The following USH2A variants were observed in gnomAD, a reference collection of about 807,000 sequenced individuals.
USH2A encodes the protein Usher syndrome 2A (autosomal recessive, mild).
USH2A carries 443 observed loss-of-function variants against 538.9 expected under a neutral mutation model. The observed-to-expected ratio is 0.82, with a 90% CI of 0.76 to 0.89. The LOEUF (loss-of-function observed/expected upper bound fraction) is 0.89. Among genes scored for constraint, USH2A ranks in the 40% least tolerant of loss-of-function variants. The pLI is 0.00. For synonymous variants in USH2A, 2,413 were observed against 2,273.5 expected, an observed-to-expected ratio of 1.06 and a Z score of -1.75; for missense variants, 6,633 against 6,324.8, an observed-to-expected ratio of 1.05 and a Z score of -1.65.
chr1:215,759,616 T>A, intron 57 of USH2A, 44 bp downstream of exon 57: 2 of 1,610,954 alleles, frequency 1.2e-6, no homozygotes, highest in Non-Finnish European at 1.7e-6. Context: ...CAGAGAAATG[T>A]ACAAATCCTG....
chr1:216,084,048 T>G (rs184607919), intron 25 of USH2A, among the ~76,000 whole-genome samples: 91 of 152,260 alleles, frequency 6.0e-4, no homozygotes, highest in South Asian at 1.7e-3. Context: ...AGTGATGGGC[T>G]TTTATTTGAT....
intron 21 of USH2A, among the ~76,000 whole-genome samples, chr1:216,113,521 T>A (rs2032925148): frequency 6.6e-6 from 1 of 152,162 alleles, no homozygotes; most frequent in Non-Finnish European, 1.5e-5. Context: ...GAAATCTTAT[T>A]CTAGTTTTAA....
chr1:215,658,181 C>T (rs1022178754), intron 64 of USH2A, among the ~76,000 whole-genome samples: 1 of 151,826 alleles, frequency 6.6e-6, no homozygotes, highest in Non-Finnish European at 1.5e-5. Flanking sequence ...GTGATCCGCC[C>T]GCCTTGGCCT....
chr1:216,250,950 G>T lies in USH2A; in HGVS notation c.2120C>A (p.Thr707Asn). 6.2e-7 allele frequency: 1 copy of T among 1,614,006 alleles called. No homozygotes were observed. Among genetic ancestry groups the T allele is most frequent in the Non-Finnish European group, 8.5e-7 (1 of 1,179,974 alleles). Residue 707 changes from threonine (T) to asparagine (N), a missense_variant, in exon 12 of 72, where the codon ACC becomes AAC. Transcript: ENST00000307340. ...NTSGTVDGDI[T>N]CHQNSGQCKC... ...GCACTGGCCTGAATTTTGGTGACAG[G>T]TAATATCTCCATCCACTGTCCCAGA...
At chr1:216,421,479 T>C (rs1315872347) in intron 2 of USH2A, among the ~76,000 whole-genome samples, 1 of 152,178 alleles carries the variant, frequency 6.6e-6, no homozygotes. Context: ...ATGTTGATTA[T>C]ATAAACCCAG....
Position 215,792,463 on chromosome 1 carries a change from C to T in USH2A, c.9959-2181G>A, listed in dbSNP as rs374396758. On this transcript the variant is annotated intron_variant, in intron 50 of 71. Transcript: ENST00000307340. ...GCTAATTACTTAATACCCTAATCAGCGTTCATTCTTTGCACAGATAAACTG... is the reference window on the plus strand; with the variant it reads ...GCTAATTACTTAATACCCTAATCAGTGTTCATTCTTTGCACAGATAAACTG... Among the ~76,000 whole-genome samples, 30 of 152,232 alleles carry T rather than the reference C, an allele frequency of 2.0e-4. 2 individuals carry two copies. The South Asian group carries it at 3.5e-3, about 18-fold the overall frequency.
intron 21 of USH2A, among the ~76,000 whole-genome samples, chr1:216,116,100 T>TA (rs1388830777): frequency 6.6e-6 from 1 of 151,628 alleles, no homozygotes; most frequent in East Asian, 1.9e-4. Context: ...TCTATAAAAT[T>TA]AAAAAAATAA....
chr1:215,964,321 C>A (rs546143082), intron 37 of USH2A, among the ~76,000 whole-genome samples: 1 of 152,138 alleles, frequency 6.6e-6, no homozygotes, highest in Non-Finnish European at 1.5e-5. Flanking sequence ...AAAAGGGACA[C>A]ACCAATCTTT....
chr1:215,831,070 A>G (rs977365745), intron 47 of USH2A, among the ~76,000 whole-genome samples: 7 of 152,216 alleles, frequency 4.6e-5, no homozygotes, highest in Admixed American at 4.6e-4. Flanking sequence ...TGGCTATATT[A>G]ATATTAGACA....
At chr1:216,054,032 A>C (rs17646418) in intron 30 of USH2A, among the ~76,000 whole-genome samples, 4,452 of 152,324 alleles carry the variant, frequency 0.029, 84 homozygotes, top group South Asian at 0.065. Context: ...CTTGCAACTT[A>C]GAAGTCCTTC....
intron 9 of USH2A, among the ~76,000 whole-genome samples, chr1:216,305,895 G>C (rs2037308240): frequency 6.6e-6 from 1 of 152,090 alleles, no homozygotes; most frequent in African/African-American, 2.4e-5. Flanking sequence ...AATCTGACAG[G>C]TTTTCCTTCA....
intron 3 of USH2A, among the ~76,000 whole-genome samples, chr1:216,410,930 C>T (rs892381701): frequency 1.3e-5 from 2 of 152,224 alleles, no homozygotes; most frequent in African/African-American, 4.8e-5. Context: ...ACCATAACAA[C>T]CCTTCACACT....
intron 44 of USH2A, among the ~76,000 whole-genome samples, chr1:215,854,188 G>C (rs1045467622): frequency 6.6e-6 from 1 of 152,154 alleles, no homozygotes; most frequent in Non-Finnish European, 1.5e-5. Context: ...ATCTTACATG[G>C]CGGTAGACAA....
At chr1:216,216,569 A>G (rs770455206) in intron 15 of USH2A, among the ~76,000 whole-genome samples, 27 of 152,056 alleles carry the variant, frequency 1.8e-4, no homozygotes, top group Non-Finnish European at 3.7e-4. Context: ...GCATAGCACA[A>G]TATGTTGTAG....
chr1:216,302,704 C>A (rs2037237737), intron 9 of USH2A, among the ~76,000 whole-genome samples: 1 of 152,014 alleles, frequency 6.6e-6, no homozygotes, highest in South Asian at 2.1e-4. Context: ...ATATAAGTGG[C>A]TATTTTTAGA....
chr1:215,668,262 A>C (rs1657694412), intron 64 of USH2A, among the ~76,000 whole-genome samples: 1 of 152,240 alleles, frequency 6.6e-6, no homozygotes, highest in South Asian at 2.1e-4. Flanking sequence ...GTTAAAGAAA[A>C]ATAAATTGTT....
At chr1:216,157,763 G>T (rs368581821) in intron 21 of USH2A, among the ~76,000 whole-genome samples, 1 of 152,026 alleles carries the variant, frequency 6.6e-6, no homozygotes, top group African/African-American at 2.4e-5. Context: ...GCTAAACATT[G>T]AGCACACATG....
chr1:215,985,490 ATAAT>A (rs1407381662), intron 35 of USH2A, among the ~76,000 whole-genome samples: 4 of 152,212 alleles, frequency 2.6e-5, no homozygotes, highest in Non-Finnish European at 5.9e-5. Flanking sequence ...TTGATTTTGA[ATAAT>A]TAAACTGTTT....
chr1:215,639,941 T>C (rs894797978), intron 68 of USH2A, among the ~76,000 whole-genome samples: 5 of 152,214 alleles, frequency 3.3e-5, no homozygotes, highest in African/African-American at 1.2e-4. Context: ...TAGTGAACAT[T>C]GGTCCTGTGA....
Sources: gnomAD v4.1 joint callset for allele counts (sites outside exome capture counted in the v4.1 genomes callset) on GRCh38, gnomAD v4.1.1 for gene constraint, MANE v1.5 for transcripts, NCBI Gene and HGNC (gene_info 2026-07-23, HGNC 2026-07-21) for gene names.